The following RHCG variants were observed in gnomAD, a reference collection of about 807,000 sequenced individuals.
RHCG encodes Rh family C glycoprotein, also known as ammonium transporter Rh type C.
RHCG carries 39 observed loss-of-function variants against 55.3 expected under a neutral mutation model. That is an observed-to-expected ratio of 0.70 (90% CI 0.55 to 0.92). The LOEUF (loss-of-function observed/expected upper bound fraction) is 0.92, where lower values mean the gene tolerates loss of function less well. Ranked by LOEUF, RHCG falls within the 40% of genes least tolerant of loss-of-function variation. RHCG has a pLI of 0.00. For synonymous variants in RHCG, 250 were observed against 246.8 expected (o/e 1.01, Z -0.12); for missense variants, 635 against 627.9 (o/e 1.01, Z -0.12).
In RHCG at chr15:89,492,831, T is replaced by G. The variant is rs139384144; in HGVS notation, c.184+3530A>C. 2.5e-3 allele frequency among the ~76,000 whole-genome samples: 377 copies of G among 152,340 alleles called. 1 individual carries two copies. The highest frequency in any genetic ancestry group is 8.6e-3 in the African/African-American group (357 of 41,584). ...AACAAGGTGCTGATACTTACACACC[T>G]TCATGGAAGGAGCACTTACTCCCTT... On this transcript the variant is annotated intron_variant, in intron 1 of 10. Coordinates refer to ENST00000268122, the MANE Select transcript of RHCG (RefSeq NM_016321.3).
intron 3 of RHCG, 91 bp downstream of exon 3, chr15:89,482,976 C>T: frequency 7.8e-7 from 1 of 1,288,696 alleles, no homozygotes; most frequent in East Asian, 2.4e-5. Flanking sequence ...ACTCGCCAGG[C>T]TGGCATGTCT....
chr15:89,479,263 G>C (rs540332541), intron 5 of RHCG, 59 bp downstream of exon 5: 1 of 1,555,564 alleles, frequency 6.4e-7, no homozygotes, highest in Non-Finnish European at 8.7e-7. Context: ...AAGGCATGGT[G>C]ATCAGCGCCC....
At chr15:89,484,197 C>G (rs1305010687) in intron 2 of RHCG, among the ~76,000 whole-genome samples, 1 of 152,132 alleles carries the variant, frequency 6.6e-6, no homozygotes, top group Non-Finnish European at 1.5e-5. Flanking sequence ...ATTGTAGGGC[C>G]AGTTCACTGG....
chr15:89,484,548 G>A (rs905322907), intron 2 of RHCG, among the ~76,000 whole-genome samples: 4 of 152,082 alleles, frequency 2.6e-5, no homozygotes, highest in East Asian at 1.9e-4. Flanking sequence ...TTGGGAGGCC[G>A]AGGCAGGTGG....
chr15:89,480,418 A>G lies in RHCG; in HGVS notation c.523-10T>C. The G allele has an allele frequency of 6.2e-7, 1 of 1,610,682 alleles. No homozygotes were observed. Among genetic ancestry groups the G allele is most frequent in the Non-Finnish European group, 8.5e-7 (1 of 1,177,634 alleles). Reference sequence around the variant, plus strand: ...CTCCTGCATCCTTCACCTGGGGTGCAAGGGGCCTGTCAGACTCTGGCACCT... The same window carrying G: ...CTCCTGCATCCTTCACCTGGGGTGCGAGGGGCCTGTCAGACTCTGGCACCT... On this transcript the variant is annotated splice_polypyrimidine_tract_variant and intron_variant, in intron 3 of 10. Transcript: ENST00000268122.
In RHCG at chr15:89,488,286, A is replaced by G. The variant is rs183730770; in HGVS notation, c.185-1301T>C. On this transcript the variant is annotated intron_variant, in intron 1 of 10. Transcript: ENST00000268122. ...TTGCCTACAGTAGAATGCTGAGGCT[A>G]CACTTAAATATGGAAAAAGTGCTAG... 3.0e-4 allele frequency among the ~76,000 whole-genome samples: 40 copies of G among 131,364 alleles called. 1 individual carries two copies. In the East Asian group the frequency reaches 8.8e-3, roughly 29 times the overall value. The allele number at this position is 131,364 out of a possible 152,430, so 86.2% of individuals were successfully genotyped here.
chr15:89,487,708 G>C lies in RHCG; in HGVS notation c.185-723C>G, dbSNP rs181014655. On this transcript the variant is annotated intron_variant, in intron 1 of 10. Coordinates refer to ENST00000268122, the MANE Select transcript of RHCG (RefSeq NM_016321.3). ...TATTTTAACTCGGGGCTTGGCACCT[G>C]CTTCTGCAATGCTTACATCACAGAT... is the stretch of plus-strand genomic sequence containing the variant. Among the ~76,000 whole-genome samples, 30 of 152,310 alleles carry C rather than the reference G, an allele frequency of 2.0e-4. No homozygotes were observed. The East Asian group carries it at 5.6e-3, about 28-fold the overall frequency.
At chr15:89,481,096 G>A (rs1270506061) in intron 3 of RHCG, among the ~76,000 whole-genome samples, 1 of 152,196 alleles carries the variant, frequency 6.6e-6, no homozygotes, top group Non-Finnish European at 1.5e-5. Flanking sequence ...GCCTCTACTA[G>A]CTGTGTGACC....
intron 9 of RHCG, among the ~76,000 whole-genome samples, chr15:89,475,115 T>A (rs1229259479): frequency 6.7e-6 from 1 of 148,954 alleles, no homozygotes; most frequent in East Asian, 2.0e-4. Flanking sequence ...CCTGCCTGCC[T>A]GCCTTCATTC....
intron 1 of RHCG, among the ~76,000 whole-genome samples, chr15:89,487,742 G>T (rs985812494): frequency 6.6e-6 from 1 of 152,204 alleles, no homozygotes. Context: ...ATGTTGTGAG[G>T]ATTAAACACA....
At chr15:89,493,260 G>A (rs1410536279) in intron 1 of RHCG, among the ~76,000 whole-genome samples, 2 of 152,160 alleles carry the variant, frequency 1.3e-5, no homozygotes, top group South Asian at 2.1e-4. Flanking sequence ...GCTCCTCCTT[G>A]GGCCAGCCTC....
intron 8 of RHCG, 53 bp from the exon 9 acceptor site, chr15:89,476,881 C>G: frequency 6.4e-7 from 1 of 1,562,386 alleles, no homozygotes; most frequent in Non-Finnish European, 8.8e-7. Flanking sequence ...TCTCTGCTCA[C>G]CCCAGCCATT....
At chr15:89,471,928 T>C (rs1961045369) in intron 10 of RHCG, 73 bp from the exon 11 acceptor site, 1 of 152,270 alleles carries the variant, frequency 6.6e-6, no homozygotes, top group African/African-American at 2.4e-5. Flanking sequence ...CATTTTCTTT[T>C]CTGGATGGGG....
In RHCG at chr15:89,496,367, A is replaced by G; in HGVS notation, c.178T>C (p.Tyr60His). 12 of 1,613,788 alleles carry G rather than the reference A, an allele frequency of 7.4e-6. No homozygotes were observed. The highest frequency in any genetic ancestry group is 1.0e-5 in the Non-Finnish European group (12 of 1,179,874). Residue 60 changes from tyrosine (Y) to histidine (H), a missense_variant, in exon 1 of 11, where the codon TAC (tyrosine) becomes CAC (histidine). Coordinates refer to ENST00000268122, the MANE Select transcript of RHCG (RefSeq NM_016321.3). Reference protein sequence around the residue: ...SDMENEFYYRYPSFQDVHVMV... With the variant: ...SDMENEFYYRHPSFQDVHVMV... ...TGCAGGCGGCGAGACTTACTTGGGT[A>G]GCGATAGTAGAATTCGTTCTCCATG... is the stretch of plus-strand genomic sequence containing the variant.
At chr15:89,488,148 G>A (rs975956569) in intron 1 of RHCG, among the ~76,000 whole-genome samples, 1 of 152,182 alleles carries the variant, frequency 6.6e-6, no homozygotes, top group African/African-American at 2.4e-5. Flanking sequence ...GGGACAATCT[G>A]AGCACCAAAG....
chr15:89,477,188 G>A lies in RHCG; in HGVS notation c.1131C>T (p.Asp377=). 2.5e-6 allele frequency: 4 copies of A among 1,614,060 alleles called. No individual in the cohort carries two copies. Among genetic ancestry groups the A allele is most frequent in the Non-Finnish European group, 3.4e-6 (4 of 1,180,000 alleles). ...TCCAGTCCCCGTTGAAACCTTGAAAGTCAAAGGAATGGACAAGCCTGGGGT... is the reference window on the plus strand; with the variant it reads ...TCCAGTCCCCGTTGAAACCTTGAAAATCAAAGGAATGGACAAGCCTGGGGT... ...YGKEGLVHSF[D]FQGFNGDWTA... Residue 377 remains aspartate, a synonymous_variant, in exon 8 of 11, where the codon GAC becomes GAT. Transcript: ENST00000268122. The surrounding 1 kb of genome is among the most constrained non-coding windows in gnomAD (Gnocchi z 4.5).
chr15:89,474,824 TCCTTCCTGCCTG>T (rs1961105845), intron 9 of RHCG, among the ~76,000 whole-genome samples: 1 of 119,172 alleles, frequency 8.4e-6, no homozygotes, highest in Non-Finnish European at 1.8e-5. Context: ...CTGCCTGCCT[TCCTTCCTGCCTG>T]CCTTCCTTCC....
chr15:89,477,921 A>G lies in RHCG; in HGVS notation c.891T>C (p.Ala297=). 1 of 1,613,738 alleles carries G rather than the reference A, an allele frequency of 6.2e-7. No homozygotes were observed. Among genetic ancestry groups the G allele is most frequent in the Non-Finnish European group, 8.5e-7 (1 of 1,179,808 alleles). Residue 297 remains alanine (A), a synonymous_variant, in exon 6 of 11, where the codon GCT becomes GCC. Coordinates refer to ENST00000268122, the MANE Select transcript of RHCG (RefSeq NM_016321.3). The surrounding 1 kb of genome is among the most constrained non-coding windows in gnomAD (Gnocchi z 4.5). ...LAGGVAVGTA[A]EMMLMPYGAL... ...CACCGTAAGGCATGAGCATCATCTCAGCAGCGGTACCCACGGCCACCCCTC... is the reference window on the plus strand; with the variant it reads ...CACCGTAAGGCATGAGCATCATCTCGGCAGCGGTACCCACGGCCACCCCTC...
intron 1 of RHCG, among the ~76,000 whole-genome samples, chr15:89,489,816 C>A (rs1274644023): frequency 6.6e-6 from 1 of 152,174 alleles, no homozygotes; most frequent in African/African-American, 2.4e-5. Flanking sequence ...CCTATGGCAC[C>A]CTGTTTTCTT....
Sources: allele counts gnomAD v4.1 joint callset (sites outside exome capture counted in the v4.1 genomes callset), GRCh38; gene constraint gnomAD v4.1.1; non-coding constraint Gnocchi (gnomAD v3.1); transcripts MANE v1.5; gene names NCBI Gene and HGNC (gene_info 2026-07-23, HGNC 2026-07-21).